Variants in TTC23 observed in about 807,000 individuals in gnomAD.
TTC23 encodes the protein tetratricopeptide repeat protein 23.
Under a neutral mutation model 55.1 loss-of-function variants are expected in TTC23, and 58 were observed. The observed-to-expected ratio is 1.05, with a 90% CI of 0.85 to 1.31. The LOEUF is 1.31. TTC23 is among the 50% of genes most tolerant of loss of function. The probability of loss-of-function intolerance (pLI) is 0.00; values close to 1 mark genes in which losing one functional copy is unlikely to be tolerated. For missense variants in TTC23, 516 were observed against 534.4 expected, an observed-to-expected ratio of 0.97 and a Z score of 0.34; for synonymous variants, 203 against 199.9, an observed-to-expected ratio of 1.02 and a Z score of -0.13.
intron 10 of TTC23, among the ~76,000 whole-genome samples, chr15:99,171,362 T>C (rs1355187405): frequency 6.6e-6 from 1 of 152,088 alleles, no homozygotes; most frequent in Non-Finnish European, 1.5e-5. Flanking sequence ...TTCATGGTAC[T>C]TTCTGGTATG....
intron 1 of TTC23, 88 bp downstream of exon 1, chr15:99,249,083 A>G (rs1430990053): frequency 6.6e-6 from 1 of 152,184 alleles, no homozygotes; most frequent in Non-Finnish European, 1.5e-5. Context: ...ATGTCCTTCT[A>G]AATCCACACT....
intron 12 of TTC23, among the ~76,000 whole-genome samples, chr15:99,142,663 C>T (rs1555491008): frequency 6.6e-6 from 1 of 152,140 alleles, no homozygotes; most frequent in Non-Finnish European, 1.5e-5. Flanking sequence ...GCTCCTTGGC[C>T]CCTCATTCTC....
intron 3 of TTC23, among the ~76,000 whole-genome samples, chr15:99,240,839 A>G (rs1303147108): frequency 6.6e-6 from 1 of 152,216 alleles, no homozygotes; most frequent in Non-Finnish European, 1.5e-5. Context: ...TTGACTTGCA[A>G]TTGTAACGTT....
intron 1 of TTC23, among the ~76,000 whole-genome samples, chr15:99,246,342 G>A (rs995826904): frequency 2.6e-5 from 4 of 152,338 alleles, no homozygotes; most frequent in Admixed American, 6.5e-5. Flanking sequence ...GGGGCTGGGC[G>A]TGGTGGCTCA....
chr15:99,200,553 C>A (rs2076115272), intron 8 of TTC23, among the ~76,000 whole-genome samples: 1 of 152,164 alleles, frequency 6.6e-6, no homozygotes, highest in Non-Finnish European at 1.5e-5. Context: ...AATAACTGAT[C>A]TGTTGAGAAA....
At chr15:99,153,732 T>C (rs2070159152) in intron 12 of TTC23, among the ~76,000 whole-genome samples, 1 of 151,538 alleles carries the variant, frequency 6.6e-6, no homozygotes, top group Non-Finnish European at 1.5e-5. Flanking sequence ...CAAAACAAAA[T>C]AAGGTACAAG....
intron 4 of TTC23, among the ~76,000 whole-genome samples, chr15:99,232,561 C>T (rs138719997): frequency 1.3e-3 from 194 of 151,642 alleles, no homozygotes; most frequent in Non-Finnish European, 2.5e-3. Context: ...GAAAAAATGC[C>T]CAAGATTGTT....
intron 10 of TTC23, among the ~76,000 whole-genome samples, chr15:99,165,586 T>A (rs138675203): frequency 3.4e-4 from 52 of 152,268 alleles, no homozygotes; most frequent in African/African-American, 1.2e-3. Context: ...CAGAAATCAA[T>A]TGAACTGGAT....
chr15:99,174,869 G>T (rs2073360916), intron 10 of TTC23, among the ~76,000 whole-genome samples, 181 bp downstream of exon 10: 1 of 151,790 alleles, frequency 6.6e-6, no homozygotes, highest in African/African-American at 2.4e-5. Flanking sequence ...GAAGGGGAGA[G>T]AAACCAAAGG....
intron 5 of TTC23, among the ~76,000 whole-genome samples, chr15:99,224,906 T>C (rs922672881): frequency 1.3e-5 from 2 of 152,234 alleles, no homozygotes; most frequent in South Asian, 2.1e-4. Flanking sequence ...AACTGGCTGT[T>C]TGTACTTCTT....
Position 99,143,919 on chromosome 15 carries a change from T to A in TTC23, c.1144-4520A>T, listed in dbSNP as rs183881835. On this transcript the variant is annotated intron_variant, in intron 12 of 13. Coordinates refer to ENST00000394132, the MANE Select transcript of TTC23 (RefSeq NM_001288615.3). The stretch of plus-strand genomic sequence containing the variant: ...CAAACATGTAAGCTGGGGAGATTCT[T>A]ACATGGAGCCTGTAGACTCCTTAAG... Among the ~76,000 whole-genome samples the A allele has an allele frequency of 7.9e-5, 12 of 152,282 alleles. No individual in the cohort carries two copies. In the East Asian group the frequency reaches 2.3e-3, roughly 29 times the overall value.
intron 10 of TTC23, among the ~76,000 whole-genome samples, chr15:99,170,405 A>G (rs1370991881): frequency 6.6e-6 from 1 of 152,184 alleles, no homozygotes; most frequent in Non-Finnish European, 1.5e-5. Flanking sequence ...TATTTTCTTC[A>G]AAAATCAAAA....
chr15:99,227,083 G>A (rs2078508427), intron 5 of TTC23, among the ~76,000 whole-genome samples: 1 of 152,228 alleles, frequency 6.6e-6, no homozygotes, highest in Non-Finnish European at 1.5e-5. Flanking sequence ...TTTGAGAAAG[G>A]CTGCCAGCCT....
intron 9 of TTC23, among the ~76,000 whole-genome samples, chr15:99,179,476 C>T (rs936539289): frequency 6.6e-6 from 1 of 152,206 alleles, no homozygotes; most frequent in African/African-American, 2.4e-5. Context: ...AAATGGGGAA[C>T]CACCTAAATA....
chr15:99,195,509 G>A (rs1434680121), intron 9 of TTC23, among the ~76,000 whole-genome samples: 1 of 152,218 alleles, frequency 6.6e-6, no homozygotes, highest in African/African-American at 2.4e-5. Flanking sequence ...AATGTAAATG[G>A]TATAGCCATT....
intron 9 of TTC23, among the ~76,000 whole-genome samples, chr15:99,190,867 G>A (rs944179466): frequency 1.3e-5 from 2 of 151,912 alleles, no homozygotes; most frequent in East Asian, 1.9e-4. Context: ...CTCTAGCCTC[G>A]GCCTCCCAGG....
rs1304068136 is a variant in TTC23, at chr15:99,136,983, G to C, written c.*1027C>G. 3.3e-5 allele frequency: 5 copies of C among 152,270 alleles called. No individual in the cohort carries two copies. Among genetic ancestry groups the C allele is most frequent in the African/African-American group, 1.2e-4 (5 of 41,444 alleles). The allele number at this position is 152,270 out of a possible 1,614,324, so 9.4% of individuals were successfully genotyped here. Reference sequence around the variant, plus strand: ...CAGGGTGGTTTTGATGTCCCACTGGGGGCTGGAGGGGAGGGCCCTGTGCTG... The same window carrying C: ...CAGGGTGGTTTTGATGTCCCACTGGCGGCTGGAGGGGAGGGCCCTGTGCTG... On this transcript the variant is annotated 3_prime_UTR_variant, in exon 14 of 14. Transcript: ENST00000394132.
chr15:99,183,264 T>C (rs1276793909), intron 9 of TTC23, among the ~76,000 whole-genome samples: 2 of 152,050 alleles, frequency 1.3e-5, no homozygotes, highest in Non-Finnish European at 2.9e-5. Flanking sequence ...CCTAGATCTG[T>C]GGAACTCTGA....
intron 9 of TTC23, among the ~76,000 whole-genome samples, chr15:99,185,048 T>G (rs1465178078): frequency 6.6e-6 from 1 of 152,200 alleles, no homozygotes; most frequent in Non-Finnish European, 1.5e-5. Flanking sequence ...GTAAGTTTCC[T>G]GAGGCCTCCC....
Sources: gnomAD v4.1 joint callset for allele counts (sites outside exome capture counted in the v4.1 genomes callset) on GRCh38, gnomAD v4.1.1 for gene constraint, MANE v1.5 for transcripts, NCBI Gene and HGNC (gene_info 2026-07-23, HGNC 2026-07-21) for gene names.